DCC: variants seen among roughly 807,000 people sequenced by gnomAD.
DCC encodes netrin receptor DCC.
Under a neutral mutation model 172.5 loss-of-function variants are expected in DCC, and 58 were observed. The observed-to-expected ratio is 0.34, with a 90% CI of 0.27 to 0.42. The LOEUF (loss-of-function observed/expected upper bound fraction) is 0.42. Among genes scored for constraint, DCC ranks in the 10% least tolerant of loss-of-function variants. DCC has a pLI of 1.00. For missense variants in DCC, 1,740 were observed against 1,791.0 expected (o/e 0.97, Z 0.51); for synonymous variants, 709 against 644.5 (o/e 1.10, Z -1.52).
chr18:53,093,208 C>T (rs943691396), intron 7 of DCC, among the ~76,000 whole-genome samples: 2 of 152,036 alleles, frequency 1.3e-5, no homozygotes, highest in East Asian at 1.9e-4. Context: ...ACTCTGGAGG[C>T]GGAGGTTGCA....
chr18:53,128,866 CACACATATATATATATATATAT>C (rs773506806), intron 7 of DCC, among the ~76,000 whole-genome samples: 12,009 of 86,556 alleles, frequency 0.14, 627 homozygotes, highest in Non-Finnish European at 0.16. Flanking sequence ...CACACACACA[CACACATATATATATATATATAT>C]ATATATATAT....
chr18:52,365,345 G>T (rs1205489232), intron 1 of DCC, among the ~76,000 whole-genome samples: 1 of 152,210 alleles, frequency 6.6e-6, no homozygotes. Context: ...GTGGGCAACA[G>T]ACAAGATCCT....
chr18:53,321,541 G>A (rs533988327), intron 13 of DCC, among the ~76,000 whole-genome samples: 27 of 152,196 alleles, frequency 1.8e-4, no homozygotes, highest in African/African-American at 6.0e-4. Flanking sequence ...GGAAGCTAAT[G>A]CAAAACAAAA....
chr18:53,029,901 A>G (rs1281903041), intron 5 of DCC, among the ~76,000 whole-genome samples: 2 of 152,100 alleles, frequency 1.3e-5, no homozygotes, highest in East Asian at 3.9e-4. Context: ...GCTGAGTTTG[A>G]GTACTGAGGT....
chr18:53,362,677 T>A (rs1256418525), intron 15 of DCC, among the ~76,000 whole-genome samples: 1 of 152,184 alleles, frequency 6.6e-6, no homozygotes, highest in Non-Finnish European at 1.5e-5. Flanking sequence ...GCTATCATCA[T>A]CAACATTTTA....
intron 2 of DCC, among the ~76,000 whole-genome samples, chr18:52,871,365 G>A (rs1165699971): frequency 1.3e-5 from 2 of 151,994 alleles, no homozygotes; most frequent in African/African-American, 4.8e-5. Flanking sequence ...ATAGATGCTG[G>A]TATGATCAGA....
intron 5 of DCC, among the ~76,000 whole-genome samples, chr18:52,974,281 A>G (rs977651911): frequency 2.6e-5 from 4 of 152,200 alleles, no homozygotes; most frequent in Non-Finnish European, 5.9e-5. Context: ...CTGAAAGTCA[A>G]GATGCCTGGG....
chr18:52,947,144 G>A (rs1598958939), intron 5 of DCC, among the ~76,000 whole-genome samples: 2 of 152,178 alleles, frequency 1.3e-5, no homozygotes, highest in African/African-American at 4.8e-5. Flanking sequence ...AAAACATTAA[G>A]AATTCAAGTT....
At chr18:52,811,359 A>G (rs1819071554) in intron 2 of DCC, among the ~76,000 whole-genome samples, 1 of 152,206 alleles carries the variant, frequency 6.6e-6, no homozygotes, top group Admixed American at 6.5e-5. Flanking sequence ...TGGGTTAACT[A>G]TGAGGATGAG....
intron 2 of DCC, among the ~76,000 whole-genome samples, chr18:52,863,657 G>A (rs2039177978): frequency 6.6e-6 from 1 of 151,714 alleles, no homozygotes; most frequent in East Asian, 1.9e-4. Flanking sequence ...ACCTTTTTAA[G>A]TAAATATATT....
rs1449522752 is a variant in DCC, at chr18:52,541,891, A to ATATATATATATATATATATATATATATG, written c.91+201018_91+201019insATATATATATATATATATATATGTATAT. ...TGTGTGTGTGTATATATATATATAT[A>ATATATATATATATATATATATATATATG]TATATGTGTATATATATATGTACAC... On this transcript the variant is annotated intron_variant, in intron 1 of 28. Coordinates refer to ENST00000442544, the MANE Select transcript of DCC (RefSeq NM_005215.4). Among the ~76,000 whole-genome samples, 23 of 115,786 alleles carry ATATATATATATATATATATATATATATG rather than the reference A, an allele frequency of 2.0e-4. No individual in the cohort carries two copies. The South Asian group carries it at 4.3e-3, about 22-fold the overall frequency. The allele number at this position is 115,786 out of a possible 152,430, so 76.0% of individuals were successfully genotyped here.
chr18:52,668,443 T>C (rs892409733), intron 1 of DCC, among the ~76,000 whole-genome samples: 1 of 152,064 alleles, frequency 6.6e-6, no homozygotes, highest in Non-Finnish European at 1.5e-5. Flanking sequence ...AAGAGAAAAA[T>C]CGGCAAAAGA....
chr18:52,781,534 T>C (rs1203220873), intron 2 of DCC, among the ~76,000 whole-genome samples: 1 of 152,176 alleles, frequency 6.6e-6, no homozygotes, highest in Non-Finnish European at 1.5e-5. Context: ...GCTAACATAG[T>C]ATCAAGATGA....
intron 1 of DCC, among the ~76,000 whole-genome samples, chr18:52,438,483 C>T (rs1598818694): frequency 6.6e-6 from 1 of 152,244 alleles, no homozygotes; most frequent in Admixed American, 6.5e-5. Context: ...GTCTACTTAG[C>T]TCATAGAGTA....
intron 5 of DCC, among the ~76,000 whole-genome samples, chr18:52,943,065 CTTTTG>C (rs1257018387): frequency 6.6e-6 from 1 of 152,076 alleles, no homozygotes; most frequent in Non-Finnish European, 1.5e-5. Context: ...ATTTATACCT[CTTTTG>C]TTTTAATACC....
intron 2 of DCC, among the ~76,000 whole-genome samples, chr18:52,885,120 C>A (rs115557226): frequency 0.015 from 2,297 of 152,198 alleles, 44 homozygotes; most frequent in African/African-American, 0.039. Flanking sequence ...GCAAACACAA[C>A]ACTGGGTCTT....
intron 20 of DCC, 37 bp downstream of exon 20, chr18:53,410,683 T>C: frequency 7.6e-7 from 1 of 1,308,164 alleles, no homozygotes; most frequent in South Asian, 1.2e-5. Context: ...TCTTTTCCTG[T>C]GGGATTGTTA....
At chr18:53,163,982 A>T (rs1300798390) in intron 8 of DCC, among the ~76,000 whole-genome samples, 2 of 152,172 alleles carry the variant, frequency 1.3e-5, no homozygotes, top group Non-Finnish European at 1.5e-5. Context: ...CTTAAAGAAG[A>T]AGTTTATACC....
intron 1 of DCC, among the ~76,000 whole-genome samples, chr18:52,483,317 A>T (rs1458102511): frequency 4.6e-5 from 7 of 152,128 alleles, no homozygotes; most frequent in Admixed American, 1.3e-4. Flanking sequence ...CCATGCAGCC[A>T]ACTATATCTT....
Sources: gnomAD v4.1 joint callset for allele counts (sites outside exome capture counted in the v4.1 genomes callset) on GRCh38, gnomAD v4.1.1 for gene constraint, MANE v1.5 for transcripts, NCBI Gene and HGNC (gene_info 2026-07-23, HGNC 2026-07-21) for gene names.